The following COL16A1 variants were observed in gnomAD, a reference collection of about 807,000 sequenced individuals.
The protein encoded by COL16A1 is collagen alpha-1(XVI) chain.
A neutral mutation model predicts 266.3 loss-of-function variants in COL16A1; 189 were observed. That is an observed-to-expected ratio of 0.71 (90% CI 0.63 to 0.80). The LOEUF (loss-of-function observed/expected upper bound fraction) is 0.80, where lower values mean the gene tolerates loss of function less well. Among genes scored for constraint, COL16A1 ranks in the 30% least tolerant of loss-of-function variants. The pLI is 0.00. For missense variants in COL16A1, 1,928 were observed against 2,122.4 expected (o/e 0.91, Z 1.80); for synonymous variants, 740 against 782.3 (o/e 0.95, Z 0.90).
chr1:31,693,138 C>G lies in COL16A1; in HGVS notation c.1025G>C (p.Arg342Pro). The G allele has an allele frequency of 6.2e-7, 1 of 1,610,734 alleles. No homozygotes were observed. Among genetic ancestry groups the G allele is most frequent in the Non-Finnish European group, 8.5e-7 (1 of 1,177,104 alleles). Residue 342 changes from arginine (R) to proline (P), a missense_variant, in exon 13 of 71, where the codon CGG becomes CCG. By Grantham distance (103) the Arg-to-Pro change is moderately radical (BLOSUM62 -2). This residue lies in a region of COL16A1 where 1,552 missense variants were observed against 1,637.2 expected (regional missense o/e 0.95). Coordinates refer to ENST00000373672, the MANE Select transcript of COL16A1 (RefSeq NM_001856.4). The stretch of plus-strand genomic sequence containing the variant: ...GGAGCCTGGTGGACCAGGCAGGCCC[C>G]GCTCACCTTTCCCTCCCTGAGAGTG... ...PSGPKGGKGERGLPGPPGSKG... is the reference protein window; with the variant it reads ...PSGPKGGKGEPGLPGPPGSKG...
Position 31,666,236 on chromosome 1 carries a change from C to T in COL16A1, c.3358-155G>A, listed in dbSNP as rs542125703. 307 of 782,452 alleles carry T rather than the reference C, an allele frequency of 3.9e-4. No individual in the cohort carries two copies. The African/African-American group carries it at 4.6e-3, about 12-fold the overall frequency. The allele number at this position is 782,452 out of a possible 1,614,324, so 48.5% of individuals were successfully genotyped here. ...CTCTGCCTGATCTGCTCAGGCTTCC[C>T]TGCTCTTGCCCGAGCTACTGAACCA... On this transcript the variant is annotated intron_variant, in intron 52 of 70. Transcript: ENST00000373672.
rs531483967 is a variant in COL16A1 at position 31,677,321 on chromosome 1, T to G, written c.2773-2010A>C. Among the ~76,000 whole-genome samples, 3 of 152,338 alleles carry G rather than the reference T, an allele frequency of 2.0e-5. No homozygotes were observed. In the East Asian group the frequency reaches 5.8e-4, roughly 29 times the overall value. On this transcript the variant is annotated intron_variant, in intron 42 of 70. Transcript: ENST00000373672. ...CCAGGCTGGTCTCGAACTCCTGACC[T>G]CAAGTGATCTGCCGACCTTGGCCTC...
At chr1:31,669,290 C>T (rs945326100) in intron 49 of COL16A1, among the ~76,000 whole-genome samples, 2 of 152,034 alleles carry the variant, frequency 1.3e-5, no homozygotes, top group African/African-American at 4.8e-5. Flanking sequence ...ATCATATCAT[C>T]AGATACCCAA....
At chr1:31,679,270 A>T (rs1361697870) in intron 42 of COL16A1, 5 of 815,134 alleles carry the variant, frequency 6.1e-6, no homozygotes, top group Non-Finnish European at 9.3e-6. Flanking sequence ...CAGTTAAAGC[A>T]GTGCCAGAAA....
chr1:31,685,002 G>C lies in COL16A1; in HGVS notation c.2017-146C>G, dbSNP rs975352395. Reference sequence around the variant, plus strand: ...AGTGAAGCAATCTTGCCCAGGTGCAGAGCAAAGATTTGTGCCAGACTCTTT... The same window carrying C: ...AGTGAAGCAATCTTGCCCAGGTGCACAGCAAAGATTTGTGCCAGACTCTTT... On this transcript the variant is annotated intron_variant, in intron 29 of 70. Transcript: ENST00000373672. The surrounding 1 kb of genome is among the most constrained non-coding windows in gnomAD (Gnocchi z 4.0). 6.6e-7 allele frequency: 1 copy of C among 1,504,156 alleles called. No individual in the cohort carries two copies. The highest frequency in any genetic ancestry group is 9.0e-7 in the Non-Finnish European group (1 of 1,110,946). The allele number at this position is 1,504,156 out of a possible 1,614,324, so 93.2% of individuals were successfully genotyped here. A position where few individuals can be genotyped will look rare whatever the true frequency, so the allele number is the denominator to read the frequency against.
chr1:31,684,549 C>G lies in COL16A1; in HGVS notation c.2134G>C (p.Gly712Arg). ...TTTTCTCCTTTTGGCCCCGCGGGGC[C>G]CTGAACTCCAGGCTCTCCTGACAGT... ...PGLSGEPGVQ[G>R]PAGPKGEKGD... Residue 712 changes from glycine (G) to arginine (R), a missense_variant, in exon 31 of 71, where the codon GGC becomes CGC. Physicochemically the swap from Gly to Arg is moderately radical, Grantham distance 125. Transcript: ENST00000373672. 6.2e-7 allele frequency: 1 copy of G among 1,613,692 alleles called. No individual in the cohort carries two copies. The highest frequency in any genetic ancestry group is 1.1e-5 in the South Asian group (1 of 91,076).
Position 31,668,328 on chromosome 1 carries a change from G to C in COL16A1, c.3250-110C>G. On this transcript the variant is annotated intron_variant, in intron 50 of 70. Transcript: ENST00000373672. This position sits in a 1 kb window ranked among gnomAD's most constrained non-coding sequence, Gnocchi z 5.8. ...CCTCTGGGGCTGCCATCTAGCAGGTGCCAGCCTGCCCCAGCATTGCACACT... is the reference window on the plus strand; with the variant it reads ...CCTCTGGGGCTGCCATCTAGCAGGTCCCAGCCTGCCCCAGCATTGCACACT... The C allele has an allele frequency of 8.6e-7, 1 of 1,158,980 alleles. No individual in the cohort carries two copies. Among genetic ancestry groups the C allele is most frequent in the Non-Finnish European group, 1.3e-6 (1 of 786,556 alleles). The allele number at this position is 1,158,980 out of a possible 1,614,324, so 71.8% of individuals were successfully genotyped here.
At chr1:31,653,529 T>C (rs951434923) in intron 70 of COL16A1, 70 bp downstream of exon 70, 3 of 1,524,314 alleles carry the variant, frequency 2.0e-6, no homozygotes, top group Admixed American at 2.1e-5. Flanking sequence ...AGCTGTGTCA[T>C]AGAAGAAACA....
At chr1:31,694,865 G>A (rs1378607120) in intron 11 of COL16A1, among the ~76,000 whole-genome samples, 1 of 152,206 alleles carries the variant, frequency 6.6e-6, no homozygotes, top group Non-Finnish European at 1.5e-5. Context: ...CTCCACCAGG[G>A]CAGGGGGAGA....
Position 31,668,239 on chromosome 1 carries a change from G to A in COL16A1, c.3250-21C>T. 1 of 1,612,966 alleles carries A rather than the reference G, an allele frequency of 6.2e-7. No individual in the cohort carries two copies. Among genetic ancestry groups the A allele is most frequent in the Non-Finnish European group, 8.5e-7 (1 of 1,179,186 alleles). The stretch of plus-strand genomic sequence containing the variant: ...GGACCCTGCAAAGAAAGGCAGACAT[G>A]ATGGATAGCCCCCCAACATTTCTGT... On this transcript the variant is annotated intron_variant, in intron 50 of 70. Transcript: ENST00000373672. The surrounding 1 kb of genome is among the most constrained non-coding windows in gnomAD (Gnocchi z 5.8).
chr1:31,693,202 G>A (rs967147616), intron 12 of COL16A1, 48 bp from the exon 13 acceptor site: 2 of 1,280,084 alleles, frequency 1.6e-6, no homozygotes, highest in African/African-American at 2.9e-5. Flanking sequence ...GGGCACATGG[G>A]AGCCTTGAGA....
At position 31,660,602 on chromosome 1, in the gene COL16A1, C is replaced by T. The variant is rs1043007813; in HGVS notation, c.3862G>A (p.Gly1288Ser). The T allele has an allele frequency of 3.7e-6, 6 of 1,614,022 alleles. No individual in the cohort carries two copies. The highest frequency in any genetic ancestry group is 1.1e-5 in the South Asian group (1 of 91,064). ...PGAMGPQGRP[G>S]PPGHVGPPGP... ...CAACTCACAACGTGTCCCGGGGGAC[C>T]GGGTCTTCCCTGGGGTCCCATGGCA... Residue 1288 changes from glycine (G) to serine (S), a missense_variant, in exon 62 of 71, where the codon GGT becomes AGT. Physicochemically the swap from Gly to Ser is moderately conservative, Grantham distance 56. Around this residue, in one of 2 missense-constraint regions of COL16A1, gnomAD observed 376 missense variants for 485.2 expected, o/e 0.77. Coordinates refer to ENST00000373672, the MANE Select transcript of COL16A1 (RefSeq NM_001856.4).
intron 42 of COL16A1, 127 bp downstream of exon 42, chr1:31,679,505 G>A: frequency 3.1e-6 from 5 of 1,613,882 alleles, no homozygotes; most frequent in Non-Finnish European, 4.2e-6. Flanking sequence ...GGTAAACAGA[G>A]GAGTGAGAAA....
chr1:31,702,139 C>T lies in COL16A1; in HGVS notation c.55G>A (p.Gly19Ser), dbSNP rs1429079160. The change falls in exon 2 of 71, where the codon GGC (glycine) becomes AGC (serine). Residue 19 changes from glycine to serine, a missense_variant. Gly to Ser is a moderately conservative substitution (Grantham distance 56). Coordinates refer to ENST00000373672, the MANE Select transcript of COL16A1 (RefSeq NM_001856.4). ...ATCTCACCTGTATTTGCCCCATGGC[C>T]GAAGGTAGCCCAAAGACCGAGCAGC... is the stretch of plus-strand genomic sequence containing the variant. ...LWLLGLWATFGHGANTGAQCP... is the reference protein window; with the variant it reads ...LWLLGLWATFSHGANTGAQCP... 4 of 1,614,166 alleles carry T rather than the reference C, an allele frequency of 2.5e-6. No individual in the cohort carries two copies. The highest frequency in any genetic ancestry group is 1.6e-4 in the Middle Eastern group (1 of 6,062).
intron 44 of COL16A1, chr1:31,673,321 G>A (rs113677567): frequency 0.016 from 2,801 of 174,866 alleles, 100 homozygotes; most frequent in African/African-American, 0.063. Context: ...CTCCTGGCTC[G>A]GATCGCGCCA....
In COL16A1 at chr1:31,670,531, G is replaced by A. The variant is rs1285717935; in HGVS notation, c.3195+71C>T. ...GACGGAGGTGAAGGCACGACAGGAG[G>A]GAGACAAGCAAAAGCCACAGAGACC... On this transcript the variant is annotated intron_variant, in intron 49 of 70. Coordinates refer to ENST00000373672, the MANE Select transcript of COL16A1 (RefSeq NM_001856.4). The surrounding 1 kb of genome is among the most constrained non-coding windows in gnomAD (Gnocchi z 4.5). The A allele has an allele frequency of 1.5e-6, 2 of 1,321,626 alleles. No homozygotes were observed. The highest frequency in any genetic ancestry group is 3.1e-5 in the African/African-American group (2 of 65,018). 81.9% of individuals were successfully genotyped at this position (1,321,626 alleles called of 1,614,324 possible).
intron 62 of COL16A1, chr1:31,659,575 T>G (rs1641463003): frequency 3.2e-5 from 5 of 155,294 alleles, no homozygotes; most frequent in Admixed American, 3.1e-4. Flanking sequence ...AAAGATCACC[T>G]CCCTGATCAG....
At chr1:31,659,084 C>T (rs1410802526) in intron 62 of COL16A1, 120 bp from the exon 63 acceptor site, 1 of 922,188 alleles carries the variant, frequency 1.1e-6, no homozygotes, top group African/African-American at 1.6e-5. Flanking sequence ...CTCTGGAAAC[C>T]TTCCTTCGCT....
chr1:31,691,654 T>A lies in COL16A1; in HGVS notation c.1258-12A>T, dbSNP rs1644275091. 1 of 1,612,656 alleles carries A rather than the reference T, an allele frequency of 6.2e-7. No homozygotes were observed. Among genetic ancestry groups the A allele is most frequent in the Admixed American group, 1.7e-5 (1 of 59,904 alleles). ...TCTCCTGGCCGGCCCTGTGGGGGGATAAGGGGGAGGGTGTACAAACAGCCC... is the reference window on the plus strand; with the variant it reads ...TCTCCTGGCCGGCCCTGTGGGGGGAAAAGGGGGAGGGTGTACAAACAGCCC... On this transcript the variant is annotated splice_polypyrimidine_tract_variant and intron_variant, in intron 17 of 70. Coordinates refer to ENST00000373672, the MANE Select transcript of COL16A1 (RefSeq NM_001856.4).
Sources: allele counts gnomAD v4.1 joint callset (sites outside exome capture counted in the v4.1 genomes callset), GRCh38; gene constraint gnomAD v4.1.1; regional missense constraint gnomAD v4.1.1; non-coding constraint Gnocchi (gnomAD v3.1); transcripts MANE v1.5; gene names NCBI Gene and HGNC (gene_info 2026-07-23, HGNC 2026-07-21).